KAZN: variants seen among roughly 807,000 people sequenced by gnomAD.
KAZN encodes kazrin, periplakin interacting protein.
A neutral mutation model predicts 87.4 loss-of-function variants in KAZN; 40 were observed. The observed-to-expected ratio is 0.46, with a 90% CI of 0.36 to 0.60. KAZN has a LOEUF of 0.60. Among genes scored for constraint, KAZN ranks in the 20% least tolerant of loss-of-function variants. KAZN has a pLI of 0.00. For synonymous variants in KAZN, 466 were observed against 458.3 expected (o/e 1.02, Z -0.22); for missense variants, 898 against 1,073.9 (o/e 0.84, Z 2.29).
Position 14,960,799 on chromosome 1 carries a change from C to T in KAZN, c.342C>T (p.Val114=). 1 of 1,612,690 alleles carries T rather than the reference C, an allele frequency of 6.2e-7. No individual in the cohort carries two copies. The highest frequency in any genetic ancestry group is 1.1e-5 in the South Asian group (1 of 90,660). ...EESQGGKSSE[V]LSATELRVQL... is the part of the protein sequence containing the mutation. ...CGCAGGGCGGCAAGTCCTCTGAGGT[C>T]CTCTCGGCCACCGAGCTCAGGGTCC... is the stretch of plus-strand genomic sequence containing the variant. The change falls in exon 2 of 15, where the codon GTC becomes GTT. Residue 114 remains valine (V), a synonymous_variant. Transcript: ENST00000376030.
At chr1:14,261,601 G>A (rs563874934) in intron 2 of KAZN, among the ~76,000 whole-genome samples, 11 of 152,298 alleles carry the variant, frequency 7.2e-5, no homozygotes, top group African/African-American at 2.4e-4. Context: ...GATGTGAGGA[G>A]GCGGAAAAAT....
rs1662259851 is a variant in KAZN, at chr1:14,949,754, C to T, written c.227-10930C>T. On this transcript the variant is annotated intron_variant, in intron 1 of 14. Coordinates refer to ENST00000376030, the MANE Select transcript of KAZN (RefSeq NM_201628.3). The surrounding 1 kb of genome is among the most constrained non-coding windows in gnomAD (Gnocchi z 4.3). ...CCTGCTTCTGAGCCTGTGACTGTCA[C>T]CCTTCCAGGACAGCGACATGGTTGC... is the stretch of plus-strand genomic sequence containing the variant. Among the ~76,000 whole-genome samples the T allele has an allele frequency of 6.6e-6, 1 of 152,154 alleles. No individual in the cohort carries two copies. The highest frequency in any genetic ancestry group is 2.4e-5 in the African/African-American group (1 of 41,406).
At chr1:14,924,946 C>T (rs1449782005) in intron 1 of KAZN, among the ~76,000 whole-genome samples, 1 of 152,238 alleles carries the variant, frequency 6.6e-6, no homozygotes, top group Non-Finnish European at 1.5e-5. Flanking sequence ...ACCTGTGAGC[C>T]ATGTGGCGGC....
chr1:14,131,513 T>G (rs7542729), intron 1 of KAZN, among the ~76,000 whole-genome samples: 86,716 of 151,784 alleles, frequency 0.57, 26,020 homozygotes, highest in East Asian at 0.76. Flanking sequence ...ACATTAGATA[T>G]ATGTTTTATT....
chr1:14,069,197 T>A, intron 1 of KAZN, among the ~76,000 whole-genome samples: 1 of 152,202 alleles, frequency 6.6e-6, no homozygotes, highest in Non-Finnish European at 1.5e-5. Flanking sequence ...GGATGGAACC[T>A]GGTAAGTGAG....
chr1:14,679,937 G>A (rs1640470538), intron 1 of KAZN, among the ~76,000 whole-genome samples: 1 of 152,136 alleles, frequency 6.6e-6, no homozygotes, highest in Non-Finnish European at 1.5e-5. Context: ...CAAGGGTGAA[G>A]GATGCAGTGA....
At position 14,035,103 on chromosome 1, in the gene KAZN, A is replaced by G. The variant is rs187040717; in HGVS notation, c.91+141347A>G. Among the ~76,000 whole-genome samples the G allele has an allele frequency of 6.6e-5, 10 of 152,320 alleles. No individual in the cohort carries two copies. In the East Asian group the frequency reaches 1.7e-3, roughly 26 times the overall value. On this transcript the variant is annotated intron_variant, in intron 1 of 16. Coordinates refer to the KAZN transcript ENST00000636203. Reference sequence around the variant, plus strand: ...GAAGGTGTCTTCTTTTGTTCATTCTATAGCAACATCGGGAGGCATAGCCTC... The same window carrying G: ...GAAGGTGTCTTCTTTTGTTCATTCTGTAGCAACATCGGGAGGCATAGCCTC...
At chr1:13,895,449 T>C (rs1191034518) in intron 1 of KAZN, among the ~76,000 whole-genome samples, 1 of 152,176 alleles carries the variant, frequency 6.6e-6, no homozygotes, top group African/African-American at 2.4e-5. Context: ...TGAAATCCTC[T>C]GCCTCTTTTT....
At chr1:14,221,662 A>C (rs74057111) in intron 2 of KAZN, among the ~76,000 whole-genome samples, 2,738 of 152,272 alleles carry the variant, frequency 0.018, 72 homozygotes, top group African/African-American at 0.061. Flanking sequence ...CAGCTATACC[A>C]ACAAGGCTAT....
Position 15,099,836 on chromosome 1 carries a change from C to T in KAZN, c.1548-1707C>T, listed in dbSNP as rs1411195628. Reference sequence around the variant, plus strand: ...CCGGGGAAAGTGGCAGAAACCCACACCAGAGACGCCTGCAGCTTAGAGCTG... The same window carrying T: ...CCGGGGAAAGTGGCAGAAACCCACATCAGAGACGCCTGCAGCTTAGAGCTG... On this transcript the variant is annotated intron_variant, in intron 10 of 14. Coordinates refer to ENST00000376030, the MANE Select transcript of KAZN (RefSeq NM_201628.3). This position sits in a 1 kb window ranked among gnomAD's most constrained non-coding sequence, Gnocchi z 5.4. Among the ~76,000 whole-genome samples the T allele has an allele frequency of 6.6e-6, 1 of 152,128 alleles. No individual in the cohort carries two copies. The highest frequency in any genetic ancestry group is 6.6e-5 in the Admixed American group (1 of 15,264).
At chr1:14,713,774 A>C (rs71629895) in intron 1 of KAZN, among the ~76,000 whole-genome samples, 1 of 80,876 alleles carries the variant, frequency 1.2e-5, no homozygotes, top group South Asian at 5.9e-4. Flanking sequence ...CCTCATCTCT[A>C]CAAAAAAAAA....
At chr1:14,195,267 C>G (rs905696697) in intron 2 of KAZN, among the ~76,000 whole-genome samples, 2 of 152,022 alleles carry the variant, frequency 1.3e-5, no homozygotes, top group African/African-American at 4.8e-5. Flanking sequence ...CTTCCAGAGC[C>G]CAGGAATTGG....
intron 1 of KAZN, among the ~76,000 whole-genome samples, chr1:14,179,493 C>T (rs905480011): frequency 6.6e-6 from 1 of 152,324 alleles, no homozygotes; most frequent in East Asian, 1.9e-4. Context: ...ACCCTCATGG[C>T]CAAAGCCAGA....
chr1:14,674,048 C>T (rs1640072832), intron 1 of KAZN, among the ~76,000 whole-genome samples: 1 of 152,192 alleles, frequency 6.6e-6, no homozygotes, highest in African/African-American at 2.4e-5. Context: ...ATCCAAACTC[C>T]TCATCTTATG....
chr1:14,952,733 C>T (rs990397453), intron 1 of KAZN, among the ~76,000 whole-genome samples: 1 of 151,784 alleles, frequency 6.6e-6, no homozygotes, highest in Non-Finnish European at 1.5e-5. Flanking sequence ...TCTGCTGTTT[C>T]ATCCACCTTC....
intron 1 of KAZN, among the ~76,000 whole-genome samples, chr1:14,693,993 G>T (rs1641464398): frequency 6.6e-6 from 1 of 152,190 alleles, no homozygotes; most frequent in African/African-American, 2.4e-5. Context: ...TCGAGGCAGT[G>T]GTGTGGTTTT....
intron 1 of KAZN, among the ~76,000 whole-genome samples, chr1:14,653,544 T>C (rs1638587513): frequency 1.3e-5 from 2 of 152,154 alleles, no homozygotes; most frequent in African/African-American, 4.8e-5. Context: ...TTGTAGGAAA[T>C]CTCCTGAGTT....
chr1:14,141,643 A>G (rs535465580), intron 1 of KAZN, among the ~76,000 whole-genome samples: 10 of 152,278 alleles, frequency 6.6e-5, no homozygotes, highest in African/African-American at 1.4e-4. Flanking sequence ...TTTGCTTTCA[A>G]TAATTTGAGA....
intron 8 of KAZN, among the ~76,000 whole-genome samples, chr1:15,091,482 C>G (rs1640530962): frequency 6.6e-6 from 1 of 152,094 alleles, no homozygotes; most frequent in Non-Finnish European, 1.5e-5. Context: ...GTAGCTGGGA[C>G]TACAGGCGTG....
Sources: gnomAD v4.1 joint callset for allele counts (sites outside exome capture counted in the v4.1 genomes callset) on GRCh38, gnomAD v4.1.1 for gene constraint, Gnocchi (gnomAD v3.1) non-coding constraint, MANE v1.5 for transcripts, NCBI Gene and HGNC (gene_info 2026-07-23, HGNC 2026-07-21) for gene names.